Variants in CORO1C observed in about 807,000 individuals in gnomAD.
CORO1C encodes the protein coronin-1C.
Under a neutral mutation model 51.2 loss-of-function variants are expected in CORO1C, and 14 were observed. The observed-to-expected ratio is 0.27, with a 90% confidence interval of 0.18 to 0.43. The LOEUF is 0.43. CORO1C is among the 20% of genes least tolerant of loss of function. The pLI, the probability that CORO1C is intolerant of heterozygous loss-of-function variation, is 1.00. For missense variants in CORO1C, 417 were observed against 607.8 expected, an observed-to-expected ratio of 0.69 and a Z score of 3.30; for synonymous variants, 181 against 210.5, an observed-to-expected ratio of 0.86 and a Z score of 1.21.
At chr12:108,671,150 T>C (rs924499798) in intron 3 of CORO1C, among the ~76,000 whole-genome samples, 6 of 151,878 alleles carry the variant, frequency 4.0e-5, no homozygotes, top group Middle Eastern at 3.2e-3. Context: ...CTGGACAACA[T>C]TGTGAGAAAC....
At chr12:108,653,320 TA>T (rs1250285606) in intron 7 of CORO1C, among the ~76,000 whole-genome samples, 4 of 152,220 alleles carry the variant, frequency 2.6e-5, no homozygotes, top group Non-Finnish European at 2.9e-5. Flanking sequence ...AACAGCAAGG[TA>T]AATGCACTTA....
At chr12:108,718,105 G>A (rs1278778767) in intron 1 of CORO1C, among the ~76,000 whole-genome samples, 4 of 152,184 alleles carry the variant, frequency 2.6e-5, no homozygotes, top group African/African-American at 4.8e-5. Flanking sequence ...TGTAATCCCA[G>A]TACTTTGGGA....
Position 108,648,749 on chromosome 12 carries a change from G to C in CORO1C, c.1161C>G (p.Leu387=), listed in dbSNP as rs758061975. 7 of 1,614,056 alleles carry C rather than the reference G, an allele frequency of 4.3e-6. No homozygotes were observed. The East Asian group carries it at 8.9e-5, about 21-fold the overall frequency. ...GAATGTACCCGTGCTTCAAGGAGAT[G>C]AGGATTGGGTCTGCATTCTTGCCTT... is the stretch of plus-strand genomic sequence containing the variant. The part of the protein sequence containing the change: ...WFEGKNADPI[L]ISLKHGYIPG... The change falls in exon 10 of 11, where the codon CTC becomes CTG. Residue 387 remains leucine, a synonymous_variant. Coordinates refer to ENST00000261401, the MANE Select transcript of CORO1C (RefSeq NM_014325.4).
At chr12:108,712,935 T>C (rs944581373) in intron 1 of CORO1C, among the ~76,000 whole-genome samples, 21 of 100,098 alleles carry the variant, frequency 2.1e-4, no homozygotes, top group Non-Finnish European at 3.7e-4. Context: ...AAAAAAAAAA[T>C]CATCATTTCC....
At chr12:108,650,326 G>A (rs1468458653) in intron 8 of CORO1C, among the ~76,000 whole-genome samples, 2 of 151,358 alleles carry the variant, frequency 1.3e-5, no homozygotes, top group Admixed American at 6.6e-5. Flanking sequence ...CCACAGGTAC[G>A]TACTACCACA....
At chr12:108,657,792 TACCA>T (rs1279229251) in intron 5 of CORO1C, among the ~76,000 whole-genome samples, 2 of 152,242 alleles carry the variant, frequency 1.3e-5, no homozygotes, top group Non-Finnish European at 2.9e-5. Context: ...CTACCATTTC[TACCA>T]ATATCATAGG....
chr12:108,655,546 GT>G (rs1231015965), intron 6 of CORO1C, among the ~76,000 whole-genome samples: 2 of 152,220 alleles, frequency 1.3e-5, no homozygotes. Context: ...CGCCTGACTG[GT>G]TTTCGTATTT....
At chr12:108,682,370 G>A (rs375042948) in intron 2 of CORO1C, among the ~76,000 whole-genome samples, 67 of 151,994 alleles carry the variant, frequency 4.4e-4, no homozygotes, top group African/African-American at 1.4e-3. Flanking sequence ...AAAGGAGGGC[G>A]GCATATTAAA....
intron 2 of CORO1C, among the ~76,000 whole-genome samples, chr12:108,689,021 ACT>A (rs1456753181): frequency 7.3e-6 from 1 of 136,296 alleles, no homozygotes; most frequent in African/African-American, 2.8e-5. Flanking sequence ...ACAGAATGAG[ACT>A]CTGTCTCAGA....
intron 8 of CORO1C, among the ~76,000 whole-genome samples, chr12:108,651,790 G>T (rs1229233410): frequency 6.6e-6 from 1 of 152,326 alleles, no homozygotes; most frequent in South Asian, 2.1e-4. Flanking sequence ...TACACACAAG[G>T]ATAGAAAGAC....
intron 2 of CORO1C, among the ~76,000 whole-genome samples, chr12:108,698,378 G>T (rs1191041210): frequency 6.6e-6 from 1 of 152,256 alleles, no homozygotes; most frequent in African/African-American, 2.4e-5. Flanking sequence ...AAGCATTTCT[G>T]ACATGATCTA....
At chr12:108,702,839 G>A (rs2034916911) in intron 1 of CORO1C, 2 of 1,535,334 alleles carry the variant, frequency 1.3e-6, no homozygotes, top group South Asian at 1.2e-5. Context: ...CAATGCTGGG[G>A]GCATGTAGCC....
chr12:108,710,860 C>A (rs1383164265), intron 1 of CORO1C, among the ~76,000 whole-genome samples: 2 of 152,026 alleles, frequency 1.3e-5, no homozygotes, highest in African/African-American at 4.8e-5. Context: ...CCGCGCCTGG[C>A]CTAAAATTTT....
chr12:108,729,640 A>G (rs956914943), intron 1 of CORO1C, among the ~76,000 whole-genome samples: 2 of 152,348 alleles, frequency 1.3e-5, no homozygotes, highest in South Asian at 2.1e-4. Context: ...CTCAGATCCA[A>G]TGTTTACTAT....
chr12:108,688,503 A>G (rs367543909), intron 2 of CORO1C, among the ~76,000 whole-genome samples: 60 of 152,354 alleles, frequency 3.9e-4, no homozygotes, highest in African/African-American at 1.4e-3. Flanking sequence ...TACATATTAC[A>G]AAAGATCATT....
At chr12:108,716,871 C>T (rs950081282) in intron 1 of CORO1C, among the ~76,000 whole-genome samples, 7 of 152,150 alleles carry the variant, frequency 4.6e-5, no homozygotes, top group African/African-American at 1.4e-4. Flanking sequence ...TCCTTAATCC[C>T]AGTCATTCTT....
intron 1 of CORO1C, chr12:108,703,089 A>G: frequency 4.0e-6 from 3 of 747,406 alleles, no homozygotes; most frequent in Non-Finnish European, 6.0e-6. Flanking sequence ...AAGCACATCT[A>G]TACAAAAGCC....
intron 8 of CORO1C, among the ~76,000 whole-genome samples, chr12:108,650,259 T>C (rs1169189731): frequency 7.2e-6 from 1 of 139,402 alleles, no homozygotes; most frequent in African/African-American, 2.6e-5. Flanking sequence ...CACAAGCTCA[T>C]TGAGGTCTTG....
intron 1 of CORO1C, among the ~76,000 whole-genome samples, chr12:108,727,367 AG>A (rs1389842728): frequency 2.6e-5 from 4 of 152,232 alleles, no homozygotes; most frequent in African/African-American, 4.8e-5. Flanking sequence ...AGAAGTAGAA[AG>A]GCGATGAAGT....
Sources: gnomAD v4.1 joint callset for allele counts (sites outside exome capture counted in the v4.1 genomes callset) on GRCh38, gnomAD v4.1.1 for gene constraint, MANE v1.5 for transcripts, NCBI Gene and HGNC (gene_info 2026-07-23, HGNC 2026-07-21) for gene names.